Variants in ALDH1L1 observed in about 807,000 individuals in gnomAD.
ALDH1L1 encodes the protein cytosolic 10-formyltetrahydrofolate dehydrogenase.
Under a neutral mutation model 101.1 loss-of-function variants are expected in ALDH1L1, and 68 were observed. The observed-to-expected ratio is 0.67, with a 90% confidence interval of 0.55 to 0.82. ALDH1L1 has a LOEUF of 0.82. Among genes scored for constraint, ALDH1L1 ranks in the 40% least tolerant of loss-of-function variants. ALDH1L1 has a pLI of 0.00. For synonymous variants in ALDH1L1, 486 were observed against 470.8 expected (o/e 1.03, Z -0.42); for missense variants, 1,087 against 1,172.7 (o/e 0.93, Z 1.07).
intron 7 of ALDH1L1, chr3:126,151,459 C>T (rs1006842726): frequency 2.0e-5 from 3 of 152,196 alleles, no homozygotes; most frequent in Admixed American, 6.5e-5. Flanking sequence ...TAGCTCATGA[C>T]TCTGGGCTAC....
At chr3:126,106,046 G>A (rs372302697) in intron 21 of ALDH1L1, 121 bp from the exon 22 acceptor site, 233 of 1,061,156 alleles carry the variant, frequency 2.2e-4, no homozygotes, top group African/African-American at 1.8e-3. Context: ...AAAATGTGCC[G>A]GGCTGCAGCG....
In ALDH1L1 at chr3:126,157,493, T is replaced by G. The variant is rs143445836; in HGVS notation, c.378A>C (p.Gly126=). ...ASAINWTLIH[G]DKKGGFSIFW... is the part of the protein sequence containing the mutation. ...AGATGGAAAACCCCCCTTTCTTATC[T>G]CCGTGAATGAGGGTCCTAGGAAGCA... Residue 126 remains glycine (G), a synonymous_variant, in exon 4 of 23, where the codon GGA becomes GGC. Coordinates refer to ENST00000393434, the MANE Select transcript of ALDH1L1 (RefSeq NM_012190.4). 1.1e-5 allele frequency: 18 copies of G among 1,613,644 alleles called. No individual in the cohort carries two copies. In the Middle Eastern group the frequency reaches 9.9e-4, roughly 88 times the overall value.
intron 16 of ALDH1L1, among the ~76,000 whole-genome samples, chr3:126,119,277 C>G (rs1206177339): frequency 2.6e-5 from 4 of 152,240 alleles, no homozygotes; most frequent in Admixed American, 6.5e-5. Flanking sequence ...CCATTGGTCA[C>G]TCCTCTGCCT....
At chr3:126,177,140 G>A (rs751486494) in intron 1 of ALDH1L1, among the ~76,000 whole-genome samples, 14 of 152,172 alleles carry the variant, frequency 9.2e-5, no homozygotes, top group African/African-American at 2.4e-4. Context: ...ATGGAAAAAG[G>A]TTTGGTAGTT....
intron 1 of ALDH1L1, among the ~76,000 whole-genome samples, chr3:126,178,395 AG>A (rs2081404458): frequency 1.8e-4 from 16 of 87,456 alleles, no homozygotes; most frequent in Admixed American, 9.6e-4. Flanking sequence ...AAAAAAAAAA[AG>A]AAAAAAAAAA....
rs184785612 is a variant in ALDH1L1 at position 126,137,888 on chromosome 3, G to T, written c.1149C>A (p.Thr383=). 6.2e-7 allele frequency: 1 copy of T among 1,614,074 alleles called. No individual in the cohort carries two copies. The highest frequency in any genetic ancestry group is 1.1e-5 in the South Asian group (1 of 91,080). Residue 383 remains threonine (T), a synonymous_variant, in exon 10 of 23, where the codon ACC becomes ACA. Transcript: ENST00000393434. ...LENEDVYMAS[T]FGDFIQLLVR... ...CTAACAGCTGGATGAAGTCCCCAAA[G>T]GTGGATGCCATGTACACATCTTCAT...
At chr3:126,181,215 G>A, upstream of ALDH1L1, 1 of 600,658 alleles carries the variant, frequency 1.7e-6, no homozygotes, top group South Asian at 2.0e-5. Context: ...AGAGATCCTG[G>A]CCAGCCCGGT....
upstream of ALDH1L1, among the ~76,000 whole-genome samples, chr3:126,184,391 T>A (rs1239180689): frequency 6.6e-6 from 1 of 152,196 alleles, no homozygotes; most frequent in Non-Finnish European, 1.5e-5. Flanking sequence ...CACACTCTAA[T>A]GCAACTATTT....
chr3:126,181,967 A>C (rs956455919), upstream of ALDH1L1, among the ~76,000 whole-genome samples: 4 of 151,982 alleles, frequency 2.6e-5, no homozygotes, highest in Non-Finnish European at 4.4e-5. Flanking sequence ...TCGACTCATA[A>C]AGTTTCCATG....
chr3:126,147,078 CTT>C, intron 8 of ALDH1L1, 152 bp from the exon 9 acceptor site: 2 of 695,724 alleles, frequency 2.9e-6, no homozygotes, highest in Non-Finnish European at 4.8e-6. Context: ...TCCCAGGAGG[CTT>C]AATGGTCCTG....
At chr3:126,122,825 T>G (rs2080104634) in intron 16 of ALDH1L1, among the ~76,000 whole-genome samples, 1 of 152,050 alleles carries the variant, frequency 6.6e-6, no homozygotes, top group Admixed American at 6.6e-5. Flanking sequence ...ATACTGAAAA[T>G]AATTATTGAA....
chr3:126,175,061 C>T (rs1281182886), intron 1 of ALDH1L1, among the ~76,000 whole-genome samples: 2 of 151,900 alleles, frequency 1.3e-5, no homozygotes, highest in African/African-American at 4.8e-5. Context: ...GAAAGAAGGG[C>T]CATCAATACT....
Position 126,160,839 on chromosome 3 carries a change from A to ATT in ALDH1L1, c.127+12_127+13dup. 3 of 1,613,112 alleles carry ATT rather than the reference A, an allele frequency of 1.9e-6. No homozygotes were observed. The highest frequency in any genetic ancestry group is 2.5e-6 in the Non-Finnish European group (3 of 1,179,426). ...CGCCCTCCATCAGCTTCCCTGCTCC[A>ATT]TTGGCTCACTCACCCAGGGGGTCGG... is the stretch of plus-strand genomic sequence containing the variant. On this transcript the variant is annotated intron_variant, in intron 2 of 22. Coordinates refer to ENST00000393434, the MANE Select transcript of ALDH1L1 (RefSeq NM_012190.4).
At chr3:126,119,215 TCAC>T (rs1453240830) in intron 16 of ALDH1L1, among the ~76,000 whole-genome samples, 2 of 152,180 alleles carry the variant, frequency 1.3e-5, no homozygotes, top group Non-Finnish European at 2.9e-5. Flanking sequence ...TTCAGGTATG[TCAC>T]CCCCCAACCA....
intron 16 of ALDH1L1, 37 bp from the exon 17 acceptor site, chr3:126,118,135 C>G: frequency 1.3e-6 from 2 of 1,570,236 alleles, no homozygotes; most frequent in Non-Finnish European, 1.7e-6. Flanking sequence ...AGAGTGGTCC[C>G]CCTGGTGCTG....
At chr3:126,137,326 T>G (rs2080467617) in intron 10 of ALDH1L1, among the ~76,000 whole-genome samples, 1 of 152,184 alleles carries the variant, frequency 6.6e-6, no homozygotes. Flanking sequence ...CACCCTTAGG[T>G]CCACCTTGGC....
intron 2 of ALDH1L1, chr3:126,160,530 A>G (rs1367320180): frequency 3.5e-6 from 1 of 285,450 alleles, no homozygotes; most frequent in Admixed American, 4.9e-5. Flanking sequence ...AGTTCAGAAC[A>G]TGGAGACCTT....
chr3:126,139,813 G>A (rs1167002104), intron 9 of ALDH1L1, among the ~76,000 whole-genome samples: 1 of 152,122 alleles, frequency 6.6e-6, no homozygotes, highest in African/African-American at 2.4e-5. Context: ...CAGTAGTTTT[G>A]AGCAGGCTGA....
chr3:126,123,893 A>G (rs1274587061), intron 16 of ALDH1L1, among the ~76,000 whole-genome samples: 2 of 152,236 alleles, frequency 1.3e-5, no homozygotes, highest in Non-Finnish European at 2.9e-5. Context: ...GATAAAAATT[A>G]TGAGATTATT....
Sources: allele counts gnomAD v4.1 joint callset (sites outside exome capture counted in the v4.1 genomes callset), GRCh38; gene constraint gnomAD v4.1.1; transcripts MANE v1.5; gene names NCBI Gene and HGNC (gene_info 2026-07-23, HGNC 2026-07-21).